NHSL1: variants seen among roughly 807,000 people sequenced by gnomAD.
The protein encoded by NHSL1 is NHS like 1.
In NHSL1, 48 loss-of-function variants were observed where a neutral mutation model predicts 95.0. The observed-to-expected ratio is 0.51, with a 90% CI of 0.40 to 0.64. The LOEUF is 0.64. Ranked by LOEUF, NHSL1 falls within the 30% of genes least tolerant of loss-of-function variation. NHSL1 has a pLI of 0.00. For synonymous variants in NHSL1, 783 were observed against 833.9 expected (o/e 0.94, Z 1.05); for missense variants, 1,971 against 2,077.7 (o/e 0.95, Z 1.00).
chr6:138,496,267 C>T lies in NHSL1; in HGVS notation c.163G>A (p.Glu55Lys), dbSNP rs1396961358. The T allele has an allele frequency of 6.4e-7, 1 of 1,550,908 alleles. No individual in the cohort carries two copies. Among genetic ancestry groups the T allele is most frequent in the East Asian group, 2.4e-5 (1 of 40,928 alleles). ...AGCTTGGCTTGGCGGTGCAGGTCCT[C>T]AACACAGGGGGGTCTTGTGGTGGGA... ...FLPTTRPPCV[E>K]DLHRQAKLNL... The change falls in exon 2 of 8, where the codon GAG (glutamate) becomes AAG (lysine). Residue 55 changes from glutamate (E) to lysine (K), a missense_variant. Glu to Lys is a moderately conservative substitution (Grantham distance 56). Coordinates refer to ENST00000343505, the MANE Select transcript of NHSL1 (RefSeq NM_001144060.2).
chr6:138,533,099 AAC>A (rs1363496737), intron 1 of NHSL1, among the ~76,000 whole-genome samples: 5 of 152,174 alleles, frequency 3.3e-5, no homozygotes, highest in Non-Finnish European at 7.3e-5. Context: ...TACAGACAAA[AAC>A]ACACAGTGAC....
At chr6:138,472,824 T>G (rs2128247503) in intron 3 of NHSL1, among the ~76,000 whole-genome samples, 1 of 152,350 alleles carries the variant, frequency 6.6e-6, no homozygotes, top group East Asian at 1.9e-4. Context: ...GTAAATGCAC[T>G]TCTTCTATTC....
chr6:138,645,487 T>C (rs1206186013), intron 1 of NHSL1, among the ~76,000 whole-genome samples: 1 of 152,048 alleles, frequency 6.6e-6, no homozygotes, highest in Non-Finnish European at 1.5e-5. Flanking sequence ...TGACTTTTTG[T>C]TATTGTAGTG....
At chr6:138,477,380 G>T (rs2128253381) in intron 2 of NHSL1, among the ~76,000 whole-genome samples, 1 of 152,320 alleles carries the variant, frequency 6.6e-6, no homozygotes, top group Middle Eastern at 3.4e-3. Context: ...TGGGAGGATT[G>T]CTTGAGGCCA....
chr6:138,468,008 A>C (rs539855463), intron 3 of NHSL1, among the ~76,000 whole-genome samples: 1 of 152,294 alleles, frequency 6.6e-6, no homozygotes, highest in South Asian at 2.1e-4. Flanking sequence ...TTGGCCTCTC[A>C]GAGTGCTGGG....
chr6:138,667,259 C>T (rs555826919), intron 1 of NHSL1, among the ~76,000 whole-genome samples: 4 of 152,264 alleles, frequency 2.6e-5, no homozygotes, highest in East Asian at 3.8e-4. Context: ...AGAGGAGTCC[C>T]ATTTCTAATT....
chr6:138,576,410 G>T (rs2114472122), upstream of NHSL1, among the ~76,000 whole-genome samples: 1 of 152,284 alleles, frequency 6.6e-6, no homozygotes, highest in South Asian at 2.1e-4. Flanking sequence ...ACATTAGACT[G>T]CCTTGTCCCC....
At chr6:138,578,808 G>A (rs192382067) in intron 1 of NHSL1, among the ~76,000 whole-genome samples, 152 of 152,126 alleles carry the variant, frequency 1.0e-3, no homozygotes, top group African/African-American at 3.5e-3. Context: ...TCCTAGAAGC[G>A]CCCAAGTGAT....
upstream of NHSL1, among the ~76,000 whole-genome samples, chr6:138,546,004 C>A (rs1376479078): frequency 6.6e-6 from 1 of 152,202 alleles, no homozygotes; most frequent in African/African-American, 2.4e-5. Context: ...CAGCTCTTCA[C>A]GTGATCAACA....
rs1294976163 is a variant in NHSL1 at position 138,433,354 on chromosome 6, T to C, written c.991A>G (p.Arg331Gly). 2 of 1,552,012 alleles carry C rather than the reference T, an allele frequency of 1.3e-6. No individual in the cohort carries two copies. The highest frequency in any genetic ancestry group is 2.4e-5 in the East Asian group (1 of 40,910). The change falls in exon 6 of 8, where the codon AGG (arginine) becomes GGG (glycine). Residue 331 changes from arginine to glycine, a missense_variant. Around this residue, in one of 3 missense-constraint regions of NHSL1, gnomAD observed 1,602 missense variants for 1,654.5 expected, o/e 0.97. Transcript: ENST00000343505. ...GFHSLPRSGA[R>G]ANIQSLEPRL... ...GGCTCAAGGGACTGAATGTTTGCCC[T>C]TGCTCCAGAACGCGGAAGACTATGG...
At chr6:138,612,752 A>G (rs965626076) in intron 1 of NHSL1, among the ~76,000 whole-genome samples, 1 of 152,190 alleles carries the variant, frequency 6.6e-6, no homozygotes, top group Non-Finnish European at 1.5e-5. Context: ...CTTACCTTTT[A>G]TTTGTGAACT....
intron 1 of NHSL1, among the ~76,000 whole-genome samples, chr6:138,666,585 C>T (rs1785297472): frequency 1.0e-5 from 1 of 95,270 alleles, no homozygotes. Context: ...AGCAAGCCTC[C>T]ATCTCAAAAA....
intron 1 of NHSL1, among the ~76,000 whole-genome samples, chr6:138,656,329 T>C (rs1785156983): frequency 6.6e-6 from 1 of 152,216 alleles, no homozygotes; most frequent in South Asian, 2.1e-4. Flanking sequence ...TTATAAAATC[T>C]GGTTTTTCAA....
chr6:138,616,581 C>T (rs185424918), intron 1 of NHSL1, among the ~76,000 whole-genome samples: 52 of 152,058 alleles, frequency 3.4e-4, no homozygotes, highest in African/African-American at 1.2e-3. Context: ...AAGGAGAAAG[C>T]TGATTTGGGT....
At chr6:138,664,055 T>C (rs533898685) in intron 1 of NHSL1, among the ~76,000 whole-genome samples, 59 of 152,304 alleles carry the variant, frequency 3.9e-4, no homozygotes, top group African/African-American at 1.3e-3. Flanking sequence ...TGGATAAAGA[T>C]TGACAATTTG....
At chr6:138,625,951 T>C (rs761970770) in intron 1 of NHSL1, among the ~76,000 whole-genome samples, 3 of 152,198 alleles carry the variant, frequency 2.0e-5, no homozygotes, top group Non-Finnish European at 2.9e-5. Flanking sequence ...CCGAAAGTAT[T>C]TGTTGAATGA....
intron 3 of NHSL1, among the ~76,000 whole-genome samples, chr6:138,467,636 T>A (rs532990523): frequency 1.3e-5 from 2 of 152,238 alleles, no homozygotes; most frequent in East Asian, 3.9e-4. Context: ...GGGAAGACAG[T>A]GATATTGATG....
intron 1 of NHSL1, chr6:138,651,105 G>A: frequency 2.9e-6 from 1 of 347,804 alleles, no homozygotes; most frequent in Non-Finnish European, 5.5e-6. Context: ...AGCTACACAT[G>A]CCAACCAACT....
At chr6:138,620,950 A>G (rs10085294) in intron 1 of NHSL1, among the ~76,000 whole-genome samples, 57,937 of 151,950 alleles carry the variant, frequency 0.38, 11,881 homozygotes, top group African/African-American at 0.54. Context: ...CAGAAACTGC[A>G]GCTGGGGAGG....
Sources: gnomAD v4.1 joint callset for allele counts (sites outside exome capture counted in the v4.1 genomes callset) on GRCh38, gnomAD v4.1.1 for gene constraint, gnomAD v4.1.1 regional missense constraint, MANE v1.5 for transcripts, NCBI Gene and HGNC (gene_info 2026-07-23, HGNC 2026-07-21) for gene names.